Variants in LGSN observed in about 807,000 individuals in gnomAD.
LGSN encodes lengsin.
In LGSN, 21 loss-of-function variants were observed where a neutral mutation model predicts 19.5. The observed-to-expected ratio is 1.07, with a 90% CI of 0.76 to 1.55. The LOEUF (loss-of-function observed/expected upper bound fraction) is 1.55, where lower values mean the gene tolerates loss of function less well. Ranked by LOEUF, LGSN falls within the 40% of genes most tolerant of loss-of-function variation. The pLI, the probability that LGSN is intolerant of heterozygous loss-of-function variation, is 0.00. For synonymous variants in LGSN, 257 were observed against 215.6 expected, an observed-to-expected ratio of 1.19 and a Z score of -1.68; for missense variants, 673 against 608.5, an observed-to-expected ratio of 1.11 and a Z score of -1.12.
chr6:63,439,106 A>T, the LGSN span, among the ~76,000 whole-genome samples: 1 of 152,150 alleles, frequency 6.6e-6, no homozygotes, highest in African/African-American at 2.4e-5. Flanking sequence ...TCGCAAGAAC[A>T]AAAAACCAAA....
intron 1 of LGSN, among the ~76,000 whole-genome samples, chr6:63,296,874 A>C (rs1389627829): frequency 6.6e-6 from 1 of 152,138 alleles, no homozygotes; most frequent in Non-Finnish European, 1.5e-5. Flanking sequence ...AGTTTCTAAA[A>C]ATACCTTGTT....
At chr6:63,481,948 AC>A in the LGSN span, 1 of 162,574 alleles carries the variant, frequency 6.2e-6, no homozygotes, top group African/African-American at 2.4e-5. Flanking sequence ...TAGTAAAAAA[AC>A]AACCTCAGGC....
chr6:63,407,753 AT>A, the LGSN span, among the ~76,000 whole-genome samples: 2 of 152,342 alleles, frequency 1.3e-5, no homozygotes, highest in South Asian at 2.1e-4. Flanking sequence ...CTGTTTGCAG[AT>A]GACATGATTG....
chr6:63,432,711 G>T, the LGSN span, among the ~76,000 whole-genome samples: 4 of 151,138 alleles, frequency 2.6e-5, no homozygotes, highest in African/African-American at 7.3e-5. Context: ...AAAAGAAAAA[G>T]AAATAAATTT....
chr6:63,414,626 T>TA, the LGSN span, among the ~76,000 whole-genome samples: 5 of 152,222 alleles, frequency 3.3e-5, no homozygotes, highest in Non-Finnish European at 5.9e-5. Context: ...AATAAAGCTT[T>TA]AAAAAAATAG....
the LGSN span, among the ~76,000 whole-genome samples, chr6:63,520,308 G>T: frequency 1.3e-5 from 2 of 152,096 alleles, no homozygotes; most frequent in African/African-American, 4.8e-5. Context: ...CATTGCTAAT[G>T]AATAGGAAAA....
intron 2 of LGSN, chr6:63,293,534 T>C: frequency 3.6e-6 from 1 of 278,556 alleles, no homozygotes; most frequent in African/African-American, 2.2e-5. Flanking sequence ...ATAAAAATCT[T>C]TGTAAGTGTT....
the LGSN span, among the ~76,000 whole-genome samples, chr6:63,503,648 C>T: frequency 2.0e-5 from 3 of 152,226 alleles, no homozygotes; most frequent in Non-Finnish European, 4.4e-5. Flanking sequence ...GGCACAGCGG[C>T]TCATGCCTGT....
At chr6:63,401,157 A>G in the LGSN span, among the ~76,000 whole-genome samples, 3 of 151,938 alleles carry the variant, frequency 2.0e-5, no homozygotes, top group Admixed American at 2.0e-4. Context: ...AATTATTAAG[A>G]CTTAGTTACA....
At chr6:63,365,034 G>A in the LGSN span, among the ~76,000 whole-genome samples, 1 of 152,036 alleles carries the variant, frequency 6.6e-6, no homozygotes, top group African/African-American at 2.4e-5. Flanking sequence ...AACTAGAGAA[G>A]CAAGAGCAAA....
the LGSN span, among the ~76,000 whole-genome samples, chr6:63,336,672 C>A: frequency 1.3e-5 from 2 of 151,614 alleles, no homozygotes; most frequent in Admixed American, 6.6e-5. Flanking sequence ...GTCACCCAGG[C>A]TGGAGTGCAG....
At chr6:63,380,447 T>C in the LGSN span, among the ~76,000 whole-genome samples, 1 of 152,246 alleles carries the variant, frequency 6.6e-6, no homozygotes, top group Non-Finnish European at 1.5e-5. Flanking sequence ...GGCACAGACC[T>C]ATTTTTATGT....
the LGSN span, among the ~76,000 whole-genome samples, chr6:63,510,195 C>T: frequency 6.6e-6 from 1 of 152,090 alleles, no homozygotes; most frequent in Non-Finnish European, 1.5e-5. Context: ...TATGTCATTG[C>T]CGCCTTCAGT....
the LGSN span, among the ~76,000 whole-genome samples, chr6:63,542,720 T>C: frequency 6.6e-6 from 1 of 152,200 alleles, no homozygotes; most frequent in African/African-American, 2.4e-5. Context: ...ACTGCTTTTT[T>C]GAAATCTCCT....
At chr6:63,296,562 T>A (rs1208872153) in intron 1 of LGSN, among the ~76,000 whole-genome samples, 1 of 151,900 alleles carries the variant, frequency 6.6e-6, no homozygotes, top group Admixed American at 6.6e-5. Flanking sequence ...TAGCCAGGTA[T>A]ATAATTATCA....
At chr6:63,386,212 AC>A in the LGSN span, among the ~76,000 whole-genome samples, 4 of 152,194 alleles carry the variant, frequency 2.6e-5, no homozygotes, top group African/African-American at 9.6e-5. Flanking sequence ...CAAGAGAGGG[AC>A]CCCTTTGTGA....
At chr6:63,393,823 A>G in the LGSN span, among the ~76,000 whole-genome samples, 1 of 152,200 alleles carries the variant, frequency 6.6e-6, no homozygotes, top group Non-Finnish European at 1.5e-5. Context: ...GGCGCCAGAC[A>G]ACAAATCCCA....
At chr6:63,354,493 C>T in the LGSN span, among the ~76,000 whole-genome samples, 1 of 152,156 alleles carries the variant, frequency 6.6e-6, no homozygotes, top group Non-Finnish European at 1.5e-5. Flanking sequence ...AAAAATATAA[C>T]AGATGCTGGT....
chr6:63,432,616 C>T, the LGSN span, among the ~76,000 whole-genome samples: 12 of 151,408 alleles, frequency 7.9e-5, no homozygotes, highest in Non-Finnish European at 1.8e-4. Context: ...GGCATGAACC[C>T]GGGAGGCAGA....
Sources: allele counts gnomAD v4.1 joint callset (sites outside exome capture counted in the v4.1 genomes callset), GRCh38; gene constraint gnomAD v4.1.1; transcripts MANE v1.5; gene names NCBI Gene and HGNC (gene_info 2026-07-23, HGNC 2026-07-21).